The following CDH4 variants were observed in gnomAD, a reference collection of about 807,000 sequenced individuals.
CDH4 encodes the protein cadherin-4.
CDH4 carries 33 observed loss-of-function variants against 86.0 expected under a neutral mutation model. That is an observed-to-expected ratio of 0.38 (90% CI 0.29 to 0.51). The LOEUF (loss-of-function observed/expected upper bound fraction) is 0.51, where lower values mean the gene tolerates loss of function less well. Ranked by LOEUF, CDH4 falls within the 20% of genes least tolerant of loss-of-function variation. The pLI, the probability that CDH4 is intolerant of heterozygous loss-of-function variation, is 0.86. For synonymous variants in CDH4, 555 were observed against 549.4 expected, an observed-to-expected ratio of 1.01 and a Z score of -0.14; for missense variants, 1,114 against 1,307.4, an observed-to-expected ratio of 0.85 and a Z score of 2.28.
intron 4 of CDH4, among the ~76,000 whole-genome samples, chr20:61,805,585 C>T (rs756838988): frequency 7.9e-5 from 12 of 152,220 alleles, no homozygotes; most frequent in Admixed American, 2.6e-4. Flanking sequence ...GCAGCCTGCC[C>T]GGGGGTCTCG....
chr20:61,718,833 C>T, intron 2 of CDH4: 1 of 471,216 alleles, frequency 2.1e-6, no homozygotes, highest in Non-Finnish European at 4.4e-6. Flanking sequence ...CTCCCAGCGA[C>T]AGCTGGCTCT....
chr20:61,806,963 G>T (rs943525305), intron 4 of CDH4, among the ~76,000 whole-genome samples: 6 of 152,140 alleles, frequency 3.9e-5, no homozygotes, highest in Non-Finnish European at 8.8e-5. Context: ...CAGAGATGGG[G>T]GCTTCTCCAA....
chr20:61,317,007 C>G (rs1215166812), intron 2 of CDH4, among the ~76,000 whole-genome samples: 2 of 144,570 alleles, frequency 1.4e-5, no homozygotes, highest in Non-Finnish European at 3.0e-5. Context: ...ACGTAACCTG[C>G]TATTTCTTTT....
intron 2 of CDH4, among the ~76,000 whole-genome samples, chr20:61,374,045 C>T (rs1248779303): frequency 2.6e-5 from 4 of 152,090 alleles, no homozygotes; most frequent in African/African-American, 9.7e-5. Flanking sequence ...ACAGAGCCCG[C>T]GGGGCTCCTG....
At chr20:61,342,493 A>G (rs1015445819) in intron 2 of CDH4, among the ~76,000 whole-genome samples, 4 of 152,210 alleles carry the variant, frequency 2.6e-5, no homozygotes, top group African/African-American at 9.6e-5. Flanking sequence ...TTGAGCTCCT[A>G]TGAGAATCTA....
chr20:61,498,764 C>T (rs763392409), intron 2 of CDH4, among the ~76,000 whole-genome samples: 1 of 151,608 alleles, frequency 6.6e-6, no homozygotes, highest in East Asian at 1.9e-4. Flanking sequence ...AAAAGAAAAT[C>T]GCAAAAAAAA....
intron 2 of CDH4, among the ~76,000 whole-genome samples, chr20:61,345,194 C>G (rs756807231): frequency 2.0e-5 from 3 of 152,234 alleles, no homozygotes; most frequent in Non-Finnish European, 4.4e-5. Flanking sequence ...CCCAGTGCGC[C>G]TCCCTCACTG....
intron 2 of CDH4, among the ~76,000 whole-genome samples, chr20:61,604,053 C>G (rs999724372): frequency 7.2e-5 from 11 of 152,166 alleles, no homozygotes; most frequent in African/African-American, 2.7e-4. Context: ...GTGGCCAGCT[C>G]CCTGCCGAGC....
chr20:61,862,443 G>A (rs1029456401), intron 6 of CDH4, among the ~76,000 whole-genome samples: 9 of 152,152 alleles, frequency 5.9e-5, no homozygotes, highest in African/African-American at 1.9e-4. Flanking sequence ...TGGCGGGGGC[G>A]GTCCTTGATG....
At chr20:61,272,836 G>T (rs943063584) in intron 2 of CDH4, among the ~76,000 whole-genome samples, 2 of 150,082 alleles carry the variant, frequency 1.3e-5, no homozygotes. Flanking sequence ...TGTGCAGTTT[G>T]GGGGAGCACC....
intron 2 of CDH4, among the ~76,000 whole-genome samples, chr20:61,567,123 T>C (rs1170807886): frequency 6.6e-6 from 1 of 152,154 alleles, no homozygotes; most frequent in African/African-American, 2.4e-5. Context: ...CAAAAATCAC[T>C]GTTTAGTGTA....
chr20:61,766,896 G>A (rs566412688), intron 3 of CDH4, among the ~76,000 whole-genome samples: 17 of 152,296 alleles, frequency 1.1e-4, no homozygotes, highest in South Asian at 2.1e-4. Flanking sequence ...GATTGTGTGC[G>A]ACTTGGTGCC....
chr20:61,909,385 G>C (rs768006891), intron 8 of CDH4, among the ~76,000 whole-genome samples: 1 of 152,202 alleles, frequency 6.6e-6, no homozygotes, highest in Non-Finnish European at 1.5e-5. Flanking sequence ...CCCATGTAAA[G>C]AAAAAACCCA....
intron 3 of CDH4, among the ~76,000 whole-genome samples, chr20:61,763,455 C>A (rs1252953597): frequency 6.6e-6 from 1 of 152,212 alleles, no homozygotes; most frequent in Non-Finnish European, 1.5e-5. Context: ...CACGCAATGG[C>A]TACGGCACTG....
intron 2 of CDH4, among the ~76,000 whole-genome samples, chr20:61,589,602 C>T (rs1311822860): frequency 6.6e-6 from 1 of 152,148 alleles, no homozygotes; most frequent in African/African-American, 2.4e-5. Flanking sequence ...GTTTGCTGAA[C>T]ACCCACTCTG....
intron 6 of CDH4, among the ~76,000 whole-genome samples, chr20:61,854,187 A>T (rs1032104031): frequency 1.3e-5 from 2 of 152,106 alleles, no homozygotes; most frequent in Non-Finnish European, 2.9e-5. Flanking sequence ...TCTGCAGCAC[A>T]TGGAGCCCAG....
In CDH4 at chr20:61,807,400, C is replaced by T. The variant is rs1980194709; in HGVS notation, c.576+34218C>T. 6.6e-6 allele frequency among the ~76,000 whole-genome samples: 1 copy of T among 152,194 alleles called. No individual in the cohort carries two copies. The highest frequency in any genetic ancestry group is 2.1e-4 in the South Asian group (1 of 4,832). ...GCTGTAGAGTTTACCCTCAGCTTCT[C>T]GTAACAGGGTGTCTGGGTACCTAAA... On this transcript the variant is annotated intron_variant, in intron 4 of 15. Coordinates refer to ENST00000614565, the MANE Select transcript of CDH4 (RefSeq NM_001794.5). The surrounding 1 kb of genome is among the most constrained non-coding windows in gnomAD (Gnocchi z 4.5).
intron 2 of CDH4, among the ~76,000 whole-genome samples, chr20:61,338,241 C>T (rs1468453580): frequency 6.6e-6 from 1 of 151,952 alleles, no homozygotes; most frequent in African/African-American, 2.4e-5. Flanking sequence ...ACTTAAAAAG[C>T]ACAAGTTATC....
chr20:61,705,799 A>G (rs1042979419), intron 2 of CDH4, among the ~76,000 whole-genome samples: 1 of 152,240 alleles, frequency 6.6e-6, no homozygotes, highest in Non-Finnish European at 1.5e-5. Context: ...AATCGCCGAC[A>G]GGCTCCATTT....
Sources: allele counts gnomAD v4.1 joint callset (sites outside exome capture counted in the v4.1 genomes callset), GRCh38; gene constraint gnomAD v4.1.1; non-coding constraint Gnocchi (gnomAD v3.1); transcripts MANE v1.5; gene names NCBI Gene and HGNC (gene_info 2026-07-23, HGNC 2026-07-21).